Variants in MDM2 observed in about 807,000 individuals in gnomAD.
MDM2 encodes the protein E3 ubiquitin-protein ligase Mdm2.
In MDM2, 11 loss-of-function variants were observed where a neutral mutation model predicts 64.3. That is an observed-to-expected ratio of 0.17 (90% CI 0.11 to 0.28). The LOEUF (loss-of-function observed/expected upper bound fraction) is 0.28, where lower values mean the gene tolerates loss of function less well. Among genes scored for constraint, MDM2 ranks in the 10% least tolerant of loss-of-function variants. The pLI, the probability that MDM2 is intolerant of heterozygous loss-of-function variation, is 1.00. For missense variants in MDM2, 388 were observed against 577.1 expected, an observed-to-expected ratio of 0.67 and a Z score of 3.36; for synonymous variants, 194 against 192.9, an observed-to-expected ratio of 1.01 and a Z score of -0.05.
At chr12:68,813,419 A>G in intron 2 of MDM2, 135 bp from the exon 3 acceptor site, 1 of 608,760 alleles carries the variant, frequency 1.6e-6, no homozygotes, top group South Asian at 2.1e-5. Flanking sequence ...ATTCCATGAT[A>G]CTTGCATAAT....
rs2136105539 is a variant in MDM2, at chr12:68,809,233, G to A, written c.40G>A (p.Val14Ile). ...GCAAATGTGCAATACCAACATGTCT[G>A]TACCTACTGATGGTGCTGTAACCAC... The part of the protein sequence containing the change: ...SRQMCNTNMS[V>I]PTDGAVTTSQ... Residue 14 changes from valine to isoleucine, a missense_variant, in exon 2 of 11, where the codon GTA becomes ATA. This residue lies in a region of MDM2 where 46 missense variants were observed against 45.2 expected (regional missense o/e 1.02). Coordinates refer to ENST00000258149, the MANE Select transcript of MDM2 (RefSeq NM_002392.6). 8.7e-6 allele frequency: 14 copies of A among 1,613,904 alleles called. No individual in the cohort carries two copies. Among genetic ancestry groups the A allele is most frequent in the Non-Finnish European group, 1.2e-5 (14 of 1,179,912 alleles).
intron 2 of MDM2, among the ~76,000 whole-genome samples, chr12:68,812,954 C>A (rs1881037903): frequency 6.6e-6 from 1 of 152,100 alleles, no homozygotes; most frequent in African/African-American, 2.4e-5. Context: ...TTTGTAATTT[C>A]TTTTGCAGTA....
intron 10 of MDM2, among the ~76,000 whole-genome samples, chr12:68,837,461 G>C (rs1175167266): frequency 1.3e-5 from 2 of 151,758 alleles, no homozygotes; most frequent in Non-Finnish European, 2.9e-5. Flanking sequence ...CCAGGCTCAA[G>C]TGATCCTCCC....
At chr12:68,819,262 T>C (rs1371519463) in intron 4 of MDM2, among the ~76,000 whole-genome samples, 1 of 152,224 alleles carries the variant, frequency 6.6e-6, no homozygotes, top group East Asian at 1.9e-4. Context: ...AAACACTCTC[T>C]TAAATCCTTA....
chr12:68,836,746 A>G lies in MDM2; in HGVS notation c.915A>G (p.Leu305=), dbSNP rs749003450. 4 of 1,603,398 alleles carry G rather than the reference A, an allele frequency of 2.5e-6. No homozygotes were observed. The South Asian group carries it at 3.3e-5, about 13-fold the overall frequency. The change falls in exon 10 of 11, where the codon TTA becomes TTG. Residue 305 remains leucine (L), a synonymous_variant. Coordinates refer to ENST00000258149, the MANE Select transcript of MDM2 (RefSeq NM_002392.6). ...TTGAAGAAGATCCTGAAATTTCCTT[A>G]GCTGTAAGTATACATCTACTTTTTT... ...DSFEEDPEIS[L]ADYWKCTSCN... is the part of the protein sequence containing the mutation.
chr12:68,809,424 C>G, intron 2 of MDM2, 132 bp downstream of exon 2: 2 of 822,756 alleles, frequency 2.4e-6, no homozygotes, highest in Non-Finnish European at 4.0e-6. Context: ...AGTGTGCTAC[C>G]TCTGGCGTAA....
chr12:68,817,141 G>A (rs985103012), intron 4 of MDM2, 196 bp downstream of exon 4: 1 of 524,732 alleles, frequency 1.9e-6, no homozygotes, highest in Non-Finnish European at 3.2e-6. Context: ...TTGAAACCTA[G>A]CCCAATCATT....
intron 3 of MDM2, among the ~76,000 whole-genome samples, chr12:68,814,848 T>C (rs1232009411): frequency 6.6e-6 from 1 of 152,236 alleles, no homozygotes; most frequent in African/African-American, 2.4e-5. Context: ...TCTCTGTCTC[T>C]CCCACTTAGT....
At chr12:68,820,650 T>A (rs959736397) in intron 5 of MDM2, among the ~76,000 whole-genome samples, 2 of 152,186 alleles carry the variant, frequency 1.3e-5, no homozygotes, top group Non-Finnish European at 2.9e-5. Flanking sequence ...AAGCTCCTGT[T>A]TAGGAGTGAT....
In MDM2 at chr12:68,843,816, ATC is replaced by A. The variant is rs1267536985; in HGVS notation, c.*3971_*3972del. 1 of 220,252 alleles carries A rather than the reference ATC, an allele frequency of 4.5e-6. No individual in the cohort carries two copies. The highest frequency in any genetic ancestry group is 9.1e-6 in the Non-Finnish European group (1 of 110,094). The allele number at this position is 220,252 out of a possible 1,614,324, so 13.6% of individuals were successfully genotyped here. A position where few individuals can be genotyped will look rare whatever the true frequency, so the allele number is the denominator to read the frequency against. On this transcript the variant is annotated 3_prime_UTR_variant, in exon 11 of 11. Coordinates refer to ENST00000258149, the MANE Select transcript of MDM2 (RefSeq NM_002392.6). The stretch of plus-strand genomic sequence containing the variant: ...AATACTTCAGCTACAACCAAGCAGA[ATC>A]TCTTTTTTTTGGAGGTCCTCGAAGC...
chr12:68,841,372 A>G lies in MDM2; in HGVS notation c.*1523A>G, dbSNP rs891269738. ...TTGGCCTCGCAAAGTGCTAAGTAGGATTACAGGCGTTAGCCACCACACCCG... is the reference window on the plus strand; with the variant it reads ...TTGGCCTCGCAAAGTGCTAAGTAGGGTTACAGGCGTTAGCCACCACACCCG... On this transcript the variant is annotated 3_prime_UTR_variant, in exon 11 of 11. Transcript: ENST00000258149. The G allele has an allele frequency of 2.2e-4, 46 of 208,608 alleles. No individual in the cohort carries two copies. The highest frequency in any genetic ancestry group is 9.8e-4 in the African/African-American group (43 of 43,912). 12.9% of individuals were successfully genotyped at this position (208,608 alleles called of 1,614,324 possible). A position where few individuals can be genotyped will look rare whatever the true frequency, so the allele number is the denominator to read the frequency against.
intron 4 of MDM2, among the ~76,000 whole-genome samples, chr12:68,817,763 T>A (rs550946584): frequency 4.0e-5 from 6 of 151,428 alleles, no homozygotes; most frequent in South Asian, 2.1e-4. Flanking sequence ...GAAAAAAAAA[T>A]TTTTTTAATA....
chr12:68,831,424 C>T (rs1022153993), intron 8 of MDM2, among the ~76,000 whole-genome samples: 1 of 152,154 alleles, frequency 6.6e-6, no homozygotes, highest in Admixed American at 6.5e-5. Context: ...CCCTCCCACC[C>T]CAGTCCTTTA....
rs577643187 is a variant in MDM2 at position 68,845,454 on chromosome 12, C to G, written c.*5605C>G. ...AGCAGATGGGAGGCGTGTTCAGTAA[C>G]TTATTCATAATGCATCTGAAATGAT... On this transcript the variant is annotated 3_prime_UTR_variant, in exon 11 of 11. Transcript: ENST00000258149. 5 of 207,840 alleles carry G rather than the reference C, an allele frequency of 2.4e-5. No homozygotes were observed. In the South Asian group the frequency reaches 7.5e-4, roughly 31 times the overall value. The allele number at this position is 207,840 out of a possible 1,614,324, so 12.9% of individuals were successfully genotyped here. A position where few individuals can be genotyped will look rare whatever the true frequency, so the allele number is the denominator to read the frequency against.
At position 68,835,954 on chromosome 12, in the gene MDM2, A is replaced by C. The variant is rs568134347; in HGVS notation, c.810A>C (p.Glu270Asp). 3 of 1,611,300 alleles carry C rather than the reference A, an allele frequency of 1.9e-6. No homozygotes were observed. The African/African-American group carries it at 4.0e-5, about 21-fold the overall frequency. The change falls in exon 9 of 11, where the codon GAA becomes GAC. Residue 270 changes from glutamate to aspartate, a missense_variant. Coordinates refer to ENST00000258149, the MANE Select transcript of MDM2 (RefSeq NM_002392.6). ...LDSEDYSLSE[E>D]GQELSDEDDE... The stretch of plus-strand genomic sequence containing the variant: ...CAGAAGATTATAGCCTTAGTGAAGA[A>C]GGACAAGAACTCTCAGATGAAGATG...
chr12:68,812,710 A>G (rs185252762), intron 2 of MDM2, among the ~76,000 whole-genome samples: 1 of 152,138 alleles, frequency 6.6e-6, no homozygotes, highest in Admixed American at 6.6e-5. Flanking sequence ...CTGTCTCCCA[A>G]AGTGCTGGGG....
In MDM2 at chr12:68,835,981, T is replaced by A; in HGVS notation, c.837T>A (p.Asp279Glu). 6.3e-7 allele frequency: 1 copy of A among 1,597,902 alleles called. No homozygotes were observed. Among genetic ancestry groups the A allele is most frequent in the Non-Finnish European group, 8.5e-7 (1 of 1,173,232 alleles). ...EEGQELSDEDDEVYQVTVYQA... is the reference protein window; with the variant it reads ...EEGQELSDEDEEVYQVTVYQA... Reference sequence around the variant, plus strand: ...GACAAGAACTCTCAGATGAAGATGATGAGGTAGTATTTTTTTTCCCCTCTA... The same window carrying A: ...GACAAGAACTCTCAGATGAAGATGAAGAGGTAGTATTTTTTTTCCCCTCTA... Residue 279 changes from aspartate to glutamate, a missense_variant, in exon 9 of 11, where the codon GAT (aspartate) becomes GAA (glutamate). Coordinates refer to ENST00000258149, the MANE Select transcript of MDM2 (RefSeq NM_002392.6).
At position 68,841,495 on chromosome 12, in the gene MDM2, G is replaced by C. The variant is rs914235823; in HGVS notation, c.*1646G>C. 4.8e-6 allele frequency: 1 copy of C among 208,838 alleles called. No individual in the cohort carries two copies. Among genetic ancestry groups the C allele is most frequent in the Non-Finnish European group, 9.7e-6 (1 of 102,732 alleles). The allele number at this position is 208,838 out of a possible 1,614,324, so 12.9% of individuals were successfully genotyped here. A position where few individuals can be genotyped will look rare whatever the true frequency, so the allele number is the denominator to read the frequency against. On this transcript the variant is annotated 3_prime_UTR_variant, in exon 11 of 11. Transcript: ENST00000258149. ...CTGTGAAAATAGCCACCATTTACCC[G>C]TAAGACAAAACTTGTTAAAGCCTCC...
Position 68,841,035 on chromosome 12 carries a change from AG to A in MDM2, c.*1189del. ...ATTTTTTTGTATTTTTAGTAAAGACAGGGTTTCACCATGTTAGCCAGGCTGA... is the reference window on the plus strand; with the variant it reads ...ATTTTTTTGTATTTTTAGTAAAGACAGGTTTCACCATGTTAGCCAGGCTGA... On this transcript the variant is annotated 3_prime_UTR_variant, in exon 11 of 11. Coordinates refer to ENST00000258149, the MANE Select transcript of MDM2 (RefSeq NM_002392.6). The A allele has an allele frequency of 5.6e-6, 1 of 179,450 alleles. No individual in the cohort carries two copies. The highest frequency in any genetic ancestry group is 9.2e-5 in the East Asian group (1 of 10,860). 11.1% of individuals were successfully genotyped at this position (179,450 alleles called of 1,614,324 possible). A position where few individuals can be genotyped will look rare whatever the true frequency, so the allele number is the denominator to read the frequency against.
Sources: gnomAD v4.1 joint callset for allele counts (sites outside exome capture counted in the v4.1 genomes callset) on GRCh38, gnomAD v4.1.1 for gene constraint, gnomAD v4.1.1 regional missense constraint, MANE v1.5 for transcripts, NCBI Gene and HGNC (gene_info 2026-07-23, HGNC 2026-07-21) for gene names.